The following RBP3 variants were observed in gnomAD, a reference collection of about 807,000 sequenced individuals.
The protein encoded by RBP3 is retinol-binding protein 3.
In RBP3, 50 loss-of-function variants were observed where a neutral mutation model predicts 64.8. That is an observed-to-expected ratio of 0.77 (90% CI 0.61 to 0.98). The LOEUF (loss-of-function observed/expected upper bound fraction) is 0.98. Ranked by LOEUF, RBP3 falls within the 50% of genes least tolerant of loss-of-function variation. RBP3 has a pLI of 0.00. For missense variants in RBP3, 1,712 were observed against 1,660.5 expected, an observed-to-expected ratio of 1.03 and a Z score of -0.54; for synonymous variants, 828 against 730.2, an observed-to-expected ratio of 1.13 and a Z score of -2.16.
intron 1 of RBP3, 26 bp downstream of exon 1, chr10:47,351,564 A>C: frequency 6.2e-7 from 1 of 1,613,280 alleles, no homozygotes; most frequent in African/African-American, 1.3e-5. Flanking sequence ...GACCTGGCTG[A>C]ACCCAGTCCC....
chr10:47,351,151 A>C lies in RBP3; in HGVS notation c.2667A>C (p.Leu889Phe). 6.2e-7 allele frequency: 1 copy of C among 1,613,102 alleles called. No homozygotes were observed. Residue 889 changes from leucine to phenylalanine, a missense_variant, in exon 1 of 4, where the codon TTA becomes TTC. Leu to Phe is a conservative substitution (Grantham distance 22, BLOSUM62 0). Transcript: ENST00000584701. ...TCTACCAGGTGGGCAGCAGCCCCTT[A>C]TATGCATCCATGCCCACCCAGATGG... ...VGIYQVGSSP[L>F]YASMPTQMAM...
intron 2 of RBP3, 38 bp from the exon 3 acceptor site, chr10:47,355,338 G>A: frequency 6.2e-7 from 1 of 1,612,452 alleles, no homozygotes; most frequent in Non-Finnish European, 8.5e-7. Flanking sequence ...CTCACTGTGA[G>A]CTCAGCCCCT....
In RBP3 at chr10:47,348,809, T is replaced by C. The variant is rs782251156; in HGVS notation, c.325T>C (p.Ser109Pro). The C allele has an allele frequency of 1.9e-6, 3 of 1,613,714 alleles. No individual in the cohort carries two copies. In the Admixed American group the frequency reaches 5.0e-5, roughly 27 times the overall value. The change falls in exon 1 of 4, where the codon TCA becomes CCA. Residue 109 changes from serine to proline, a missense_variant. Physicochemically the swap from Ser to Pro is moderately conservative, Grantham distance 74. Coordinates refer to ENST00000584701, the MANE Select transcript of RBP3 (RefSeq NM_002900.3). ...ACAAGTCCCAGCACTCACCAGCCTCTCAGAAGAGGAACTGCTTGCCTGGCT... is the reference window on the plus strand; with the variant it reads ...ACAAGTCCCAGCACTCACCAGCCTCCCAGAAGAGGAACTGCTTGCCTGGCT... ...PPQVPALTSL[S>P]EEELLAWLQR...
intron 1 of RBP3, among the ~76,000 whole-genome samples, chr10:47,352,148 T>C (rs1555211657): frequency 6.6e-6 from 1 of 152,134 alleles, no homozygotes; most frequent in Non-Finnish European, 1.5e-5. Context: ...AGGCGCTTTG[T>C]CTGGGAGGCG....
Position 47,350,811 on chromosome 10 carries a change from C to T in RBP3, c.2327C>T (p.Ala776Val), listed in dbSNP as rs782431515. 1.2e-6 allele frequency: 2 copies of T among 1,613,060 alleles called. No individual in the cohort carries two copies. Among genetic ancestry groups the T allele is most frequent in the Admixed American group, 3.3e-5 (2 of 60,024 alleles). ...GTATGGCAACAGCTGGTGGACACGG[C>T]TGCGCTGGTGATCGACCTGCGCTAC... is the stretch of plus-strand genomic sequence containing the variant. ...RLVWQQLVDT[A>V]ALVIDLRYNP... Residue 776 changes from alanine to valine, a missense_variant, in exon 1 of 4, where the codon GCT becomes GTT. Ala to Val is a moderately conservative substitution (Grantham distance 64). Transcript: ENST00000584701.
rs1454977555 is a variant in RBP3, at chr10:47,351,281, C to A, written c.2797C>A (p.Leu933Met). 1 of 1,613,368 alleles carries A rather than the reference C, an allele frequency of 6.2e-7. No homozygotes were observed. The highest frequency in any genetic ancestry group is 8.5e-7 in the Non-Finnish European group (1 of 1,180,052). ...TTCCATAGCCCAGGACATAGTGGCT[C>A]TGCGTGCCAAGGTGCCCACGGTGCT... Reference protein sequence around the residue: ...ALSIAQDIVALRAKVPTVLQT... With the variant: ...ALSIAQDIVAMRAKVPTVLQT... The change falls in exon 1 of 4, where the codon CTG becomes ATG. Residue 933 changes from leucine to methionine, a missense_variant. By Grantham distance (15) the Leu-to-Met change is conservative (BLOSUM62 2). Coordinates refer to ENST00000584701, the MANE Select transcript of RBP3 (RefSeq NM_002900.3).
At position 47,355,493 on chromosome 10, in the gene RBP3, A is replaced by G. The variant is rs201472530; in HGVS notation, c.3363A>G (p.Glu1121=). Residue 1121 remains glutamate, a synonymous_variant, in exon 3 of 4, where the codon GAA becomes GAG. Transcript: ENST00000584701. ...GCCGGCCTGATGACTCTGTCAGTGA[A>G]CTCTGGACACACGCCCAGGTTGTAG... is the stretch of plus-strand genomic sequence containing the variant. ...IYSRPDDSVS[E]LWTHAQVVGE... 3 of 1,614,092 alleles carry G rather than the reference A, an allele frequency of 1.9e-6. No homozygotes were observed. In the East Asian group the frequency reaches 6.7e-5, roughly 36 times the overall value.
At position 47,351,395 on chromosome 10, in the gene RBP3, C is replaced by T. The variant is rs1836971789; in HGVS notation, c.2911C>T (p.Arg971Cys). The T allele has an allele frequency of 4.3e-6, 7 of 1,613,674 alleles. No homozygotes were observed. The highest frequency in any genetic ancestry group is 1.7e-5 in the Admixed American group (1 of 60,036). The change falls in exon 1 of 4, where the codon CGC becomes TGC. Residue 971 changes from arginine to cysteine, a missense_variant. Physicochemically the swap from Arg to Cys is radical, Grantham distance 180 (BLOSUM62 -3). Transcript: ENST00000584701. Reference protein sequence around the residue: ...MATKLSGLQSRYSRVTSEVAL... With the variant: ...MATKLSGLQSCYSRVTSEVAL... ...CACCAAACTGAGCGGTCTGCAGAGCCGCTACTCCAGGGTGACCTCAGAAGT... is the reference window on the plus strand; with the variant it reads ...CACCAAACTGAGCGGTCTGCAGAGCTGCTACTCCAGGGTGACCTCAGAAGT...
Position 47,350,719 on chromosome 10 carries a change from C to T in RBP3, c.2235C>T (p.Tyr745=). ...AGGTGCTGCCCGGCCAGCTGGGCTA[C>T]CTGCGTTTTGACGCCATGGCTGAAC... ...KTEVLPGQLG[Y]LRFDAMAELE... Residue 745 remains tyrosine (Y), a synonymous_variant, in exon 1 of 4, where the codon TAC becomes TAT. Transcript: ENST00000584701. 1 of 1,613,236 alleles carries T rather than the reference C, an allele frequency of 6.2e-7. No homozygotes were observed. Among genetic ancestry groups the T allele is most frequent in the South Asian group, 1.1e-5 (1 of 91,086 alleles).
At chr10:47,354,355 G>A (rs1426579583) in intron 2 of RBP3, among the ~76,000 whole-genome samples, 2 of 152,160 alleles carry the variant, frequency 1.3e-5, no homozygotes, top group African/African-American at 4.8e-5. Context: ...GTGGCAGGGG[G>A]TGGCAGACCA....
In RBP3 at chr10:47,348,399, G is replaced by T. The variant is rs1030867431; in HGVS notation, c.-86G>T. Reference sequence around the variant, plus strand: ...CCACCAGCTGAGAAGGACAAGGGCGGAAGGCAGCTGCACAGAGCAGGGCCA... The same window carrying T: ...CCACCAGCTGAGAAGGACAAGGGCGTAAGGCAGCTGCACAGAGCAGGGCCA... On this transcript the variant is annotated 5_prime_UTR_variant, in exon 1 of 4. Transcript: ENST00000584701. The T allele has an allele frequency of 1.2e-5, 18 of 1,478,878 alleles. No individual in the cohort carries two copies. Among genetic ancestry groups the T allele is most frequent in the Non-Finnish European group, 1.6e-5 (17 of 1,090,778 alleles). 91.6% of individuals were successfully genotyped at this position (1,478,878 alleles called of 1,614,324 possible). A position where few individuals can be genotyped will look rare whatever the true frequency, so the allele number is the denominator to read the frequency against.
In RBP3 at chr10:47,349,327, C is replaced by G; in HGVS notation, c.843C>G (p.Pro281=). ...AGTCTGACTTCTTCTTCACGGTGCC[C>G]GTGTCCAGGTCCCTGGGGCCCCTTG... ...IGESDFFFTV[P]VSRSLGPLGG... is the part of the protein sequence containing the mutation. The change falls in exon 1 of 4, where the codon CCC becomes CCG. Residue 281 remains proline, a synonymous_variant. Coordinates refer to ENST00000584701, the MANE Select transcript of RBP3 (RefSeq NM_002900.3). 6.2e-7 allele frequency: 1 copy of G among 1,612,592 alleles called. No individual in the cohort carries two copies. The highest frequency in any genetic ancestry group is 1.1e-5 in the South Asian group (1 of 91,074).
At chr10:47,356,143 A>G (rs1837043739) in intron 3 of RBP3, among the ~76,000 whole-genome samples, 1 of 152,158 alleles carries the variant, frequency 6.6e-6, no homozygotes, top group Non-Finnish European at 1.5e-5. Context: ...CCCAACAAGA[A>G]AGGACTGGAG....
At position 47,357,540 on chromosome 10, in the gene RBP3, T is replaced by C. The variant is rs1837067032; in HGVS notation, c.*83T>C. ...GGGCACTCCTGCAGGTGGCCCGGCC[T>C]GAGGTTCCCAGGAGCAGCAAAGGGG... On this transcript the variant is annotated 3_prime_UTR_variant, in exon 4 of 4. Transcript: ENST00000584701. 22 of 1,312,196 alleles carry C rather than the reference T, an allele frequency of 1.7e-5. No homozygotes were observed. Among genetic ancestry groups the C allele is most frequent in the Middle Eastern group, 2.5e-4 (1 of 3,968 alleles). 81.3% of individuals were successfully genotyped at this position (1,312,196 alleles called of 1,614,324 possible). A position where few individuals can be genotyped will look rare whatever the true frequency, so the allele number is the denominator to read the frequency against.
intron 3 of RBP3, among the ~76,000 whole-genome samples, chr10:47,356,122 T>C (rs1208667004): frequency 6.6e-6 from 1 of 152,158 alleles, no homozygotes; most frequent in African/African-American, 2.4e-5. Context: ...ACCAAGGAAC[T>C]TGTGCTCCTA....
intron 2 of RBP3, among the ~76,000 whole-genome samples, chr10:47,354,657 T>A (rs1330765976): frequency 1.3e-5 from 2 of 152,240 alleles, no homozygotes; most frequent in African/African-American, 4.8e-5. Context: ...GGCCCCAGCC[T>A]GCAAGTGCAC....
rs113381589 is a variant in RBP3 at position 47,355,511 on chromosome 10, G to A, written c.3381G>A (p.Gln1127=). ...TCAGTGAACTCTGGACACACGCCCA[G>A]GTTGTAGGTACGTGGAGAAGCTTTC... ...DSVSELWTHA[Q]VVGERYGSKK... The change falls in exon 3 of 4, where the codon CAG becomes CAA. Residue 1127 remains glutamine (Q), a synonymous_variant. Transcript: ENST00000584701. The A allele has an allele frequency of 7.5e-4, 1,216 of 1,614,204 alleles. 12 individuals carry two copies. The African/African-American group carries it at 0.014, about 19-fold the overall frequency.
chr10:47,348,587 C>G lies in RBP3; in HGVS notation c.103C>G (p.Leu35Val), dbSNP rs781991296. Residue 35 changes from leucine to valine, a missense_variant, in exon 1 of 4, where the codon CTC becomes GTC. By Grantham distance (32) the Leu-to-Val change is conservative. Transcript: ENST00000584701. ...PSLVLDMAKV[L>V]LDNYCFPENL... ...CCTGGTGCTGGACATGGCCAAGGTC[C>G]TCTTGGATAACTACTGCTTCCCGGA... 6.2e-7 allele frequency: 1 copy of G among 1,613,438 alleles called. No homozygotes were observed. The highest frequency in any genetic ancestry group is 8.5e-7 in the Non-Finnish European group (1 of 1,180,040).
Position 47,350,647 on chromosome 10 carries a change from C to G in RBP3, c.2163C>G (p.Pro721=). 1 of 1,612,962 alleles carries G rather than the reference C, an allele frequency of 6.2e-7. No individual in the cohort carries two copies. Among genetic ancestry groups the G allele is most frequent in the Non-Finnish European group, 8.5e-7 (1 of 1,180,038 alleles). ...CACCCCCACCACCCCCTGCTGTCCC[C>G]TCTCCAGAGGAGCTCACCTACCTTA... ...EEAPPPPPAV[P]SPEELTYLIE... Residue 721 remains proline (P), a synonymous_variant, in exon 1 of 4, where the codon CCC becomes CCG. Transcript: ENST00000584701.
Sources: gnomAD v4.1 joint callset for allele counts (sites outside exome capture counted in the v4.1 genomes callset) on GRCh38, gnomAD v4.1.1 for gene constraint, MANE v1.5 for transcripts, NCBI Gene and HGNC (gene_info 2026-07-23, HGNC 2026-07-21) for gene names.